Variants in QKI observed in about 807,000 individuals in gnomAD.
QKI encodes QKI, KH domain containing RNA binding.
A neutral mutation model predicts 39.0 loss-of-function variants in QKI; 10 were observed. That is an observed-to-expected ratio of 0.26 (90% CI 0.16 to 0.43). The LOEUF (loss-of-function observed/expected upper bound fraction) is 0.43. Ranked by LOEUF, QKI falls within the 20% of genes least tolerant of loss-of-function variation. QKI has a pLI of 1.00. For synonymous variants in QKI, 204 were observed against 155.4 expected (o/e 1.31, Z -2.33); for missense variants, 218 against 428.0 (o/e 0.51, Z 4.33).
At chr6:163,528,189 C>T (rs906142149) in intron 3 of QKI, among the ~76,000 whole-genome samples, 1 of 152,148 alleles carries the variant, frequency 6.6e-6, no homozygotes, top group Non-Finnish European at 1.5e-5. Flanking sequence ...ATAATCTCAT[C>T]TACCCCTTTA....
intron 3 of QKI, among the ~76,000 whole-genome samples, chr6:163,520,675 A>AT (rs1035474023): frequency 3.9e-5 from 6 of 152,126 alleles, no homozygotes; most frequent in African/African-American, 9.7e-5. Flanking sequence ...TTGAAGAATG[A>AT]TTTTTTCAAT....
In QKI at chr6:163,573,447, T is replaced by C. The variant is rs2128253745; in HGVS notation, c.*2737T>C. On this transcript the variant is annotated 3_prime_UTR_variant, in exon 8 of 8. Transcript: ENST00000361752. ...ACCAACCTATTGCCTATGAGAAACA[T>C]GTAAGATAATGTATTTACAGCCATT... is the stretch of plus-strand genomic sequence containing the variant. The C allele has an allele frequency of 6.6e-6, 1 of 152,308 alleles. No individual in the cohort carries two copies. The allele number at this position is 152,308 out of a possible 1,614,324, so 9.4% of individuals were successfully genotyped here. A position where few individuals can be genotyped will look rare whatever the true frequency, so the allele number is the denominator to read the frequency against.
At chr6:163,512,964 CCA>C (rs1225637557) in intron 3 of QKI, among the ~76,000 whole-genome samples, 1 of 152,074 alleles carries the variant, frequency 6.6e-6, no homozygotes, top group Non-Finnish European at 1.5e-5. Flanking sequence ...CCTTCCTTAT[CCA>C]CAGTTTTGCT....
chr6:163,509,407 A>G (rs557659835), intron 3 of QKI, among the ~76,000 whole-genome samples: 13 of 152,206 alleles, frequency 8.5e-5, no homozygotes, highest in African/African-American at 3.1e-4. Flanking sequence ...CTTCATAAAG[A>G]GGAAAATAAC....
chr6:163,536,584 G>A (rs57945325), intron 4 of QKI, among the ~76,000 whole-genome samples: 3,085 of 152,134 alleles, frequency 0.02, 103 homozygotes, highest in African/African-American at 0.07. Context: ...TATTGTTAGC[G>A]TCTTTTAAAT....
chr6:163,512,874 C>G (rs1779566815), intron 3 of QKI, among the ~76,000 whole-genome samples: 2 of 152,052 alleles, frequency 1.3e-5, no homozygotes, highest in South Asian at 4.2e-4. Context: ...ACTTAAGCAT[C>G]TGGAAAGAAC....
intron 1 of QKI, among the ~76,000 whole-genome samples, chr6:163,448,092 A>C (rs1034972310): frequency 2.0e-5 from 3 of 152,216 alleles, no homozygotes; most frequent in Admixed American, 1.3e-4. Context: ...TCTGTAATAC[A>C]GAACTGCTGC....
intron 3 of QKI, among the ~76,000 whole-genome samples, chr6:163,523,062 GC>G (rs1562510736): frequency 6.6e-6 from 1 of 152,142 alleles, no homozygotes; most frequent in African/African-American, 2.4e-5. Context: ...ATAACATTAG[GC>G]TGTGATCTTT....
chr6:163,546,432 C>T (rs1042378048), intron 4 of QKI, among the ~76,000 whole-genome samples: 13 of 151,860 alleles, frequency 8.6e-5, no homozygotes, highest in African/African-American at 2.9e-4. Flanking sequence ...TGTGTTTTAA[C>T]TCATATTTAA....
Position 163,447,013 on chromosome 6 carries a change from T to C in QKI, c.143-8266T>C, listed in dbSNP as rs866071832. Among the ~76,000 whole-genome samples, 11 of 152,280 alleles carry C rather than the reference T, an allele frequency of 7.2e-5. No individual in the cohort carries two copies. The Middle Eastern group carries it at 0.02, about 283-fold the overall frequency. On this transcript the variant is annotated intron_variant, in intron 1 of 7. Coordinates refer to ENST00000361752, the MANE Select transcript of QKI (RefSeq NM_006775.3). Reference sequence around the variant, plus strand: ...CAGTGAACATACTGGTCTACACTTATTATAGTACAGCCAGCAATACATCAA... The same window carrying C: ...CAGTGAACATACTGGTCTACACTTACTATAGTACAGCCAGCAATACATCAA...
At chr6:163,451,121 T>A (rs1034133507) in intron 1 of QKI, among the ~76,000 whole-genome samples, 1 of 152,190 alleles carries the variant, frequency 6.6e-6, no homozygotes, top group Middle Eastern at 3.2e-3. Context: ...AGGAAAAAAA[T>A]TGAAATCTTC....
chr6:163,420,510 A>C (rs1787912076), intron 1 of QKI, among the ~76,000 whole-genome samples: 1 of 152,002 alleles, frequency 6.6e-6, no homozygotes, highest in Non-Finnish European at 1.5e-5. Flanking sequence ...AGGCCAAGGG[A>C]TGGGGAGTGG....
intron 3 of QKI, among the ~76,000 whole-genome samples, chr6:163,516,908 T>G (rs1779836229): frequency 6.6e-6 from 1 of 152,146 alleles, no homozygotes; most frequent in Non-Finnish European, 1.5e-5. Context: ...CCTCTTGGGT[T>G]CATGCCATGA....
chr6:163,523,509 G>A (rs1358846614), intron 3 of QKI, among the ~76,000 whole-genome samples: 1 of 152,122 alleles, frequency 6.6e-6, no homozygotes, highest in East Asian at 1.9e-4. Flanking sequence ...GGACAGTTTA[G>A]CATTTGTTTA....
At chr6:163,442,127 A>G (rs988331214) in intron 1 of QKI, among the ~76,000 whole-genome samples, 1 of 152,226 alleles carries the variant, frequency 6.6e-6, no homozygotes, top group Non-Finnish European at 1.5e-5. Context: ...CAACAGATTG[A>G]ATTCAAGAGA....
At chr6:163,499,889 A>G (rs917923094) in intron 3 of QKI, among the ~76,000 whole-genome samples, 1 of 152,196 alleles carries the variant, frequency 6.6e-6, no homozygotes, top group Non-Finnish European at 1.5e-5. Context: ...TCAGATAGGG[A>G]TAAGTGCCAT....
At chr6:163,428,250 G>T (rs1788558429) in intron 1 of QKI, among the ~76,000 whole-genome samples, 1 of 152,156 alleles carries the variant, frequency 6.6e-6, no homozygotes, top group South Asian at 2.1e-4. Flanking sequence ...CATATTAAAT[G>T]TAACTAGTTT....
intron 4 of QKI, among the ~76,000 whole-genome samples, chr6:163,545,285 A>G (rs1382435952): frequency 6.6e-6 from 1 of 152,114 alleles, no homozygotes; most frequent in Admixed American, 6.6e-5. Flanking sequence ...TTCTATCTCC[A>G]CATTTTAGGT....
At chr6:163,525,616 C>T (rs898839809) in intron 3 of QKI, among the ~76,000 whole-genome samples, 1 of 152,170 alleles carries the variant, frequency 6.6e-6, no homozygotes, top group Non-Finnish European at 1.5e-5. Flanking sequence ...CTCCCCGCCT[C>T]GGCCACCCAA....
Sources: gnomAD v4.1 joint callset for allele counts (sites outside exome capture counted in the v4.1 genomes callset) on GRCh38, gnomAD v4.1.1 for gene constraint, MANE v1.5 for transcripts, NCBI Gene and HGNC (gene_info 2026-07-23, HGNC 2026-07-21) for gene names.